Variants in AIM2 observed in about 807,000 individuals in gnomAD.
AIM2 encodes absent in melanoma 2.
In AIM2, 30 loss-of-function variants were observed where a neutral mutation model predicts 27.7. The ratio of observed to expected loss-of-function variants is 1.08; its 90% CI spans 0.81 to 1.47. The LOEUF is 1.47. Ranked by LOEUF, AIM2 falls within the 40% of genes most tolerant of loss-of-function variation. AIM2 has a pLI of 0.00. For missense variants in AIM2, 358 were observed against 411.3 expected (o/e 0.87, Z 1.12); for synonymous variants, 141 against 145.3 (o/e 0.97, Z 0.21).
chr1:159,096,470 A>T (rs1407639924), intron 1 of AIM2, among the ~76,000 whole-genome samples: 2 of 152,176 alleles, frequency 1.3e-5, no homozygotes, highest in African/African-American at 4.8e-5. Context: ...ATAATAATAT[A>T]GTATTTAATA....
intron 1 of AIM2, among the ~76,000 whole-genome samples, chr1:159,133,700 T>A (rs1647953317): frequency 6.6e-6 from 1 of 152,212 alleles, no homozygotes; most frequent in African/African-American, 2.4e-5. Context: ...CTTATATACT[T>A]CTTTCCCTGG....
At chr1:159,108,521 T>C (rs1657501695) in intron 1 of AIM2, among the ~76,000 whole-genome samples, 1 of 152,126 alleles carries the variant, frequency 6.6e-6, no homozygotes, top group Non-Finnish European at 1.5e-5. Flanking sequence ...CTCTTCAACA[T>C]AGTACTGGAA....
intron 1 of AIM2, among the ~76,000 whole-genome samples, chr1:159,115,787 C>T (rs1647325307): frequency 6.6e-6 from 1 of 152,126 alleles, no homozygotes; most frequent in African/African-American, 2.4e-5. Context: ...GATTTCATGT[C>T]TAAAACACCA....
chr1:159,068,426 G>T, intron 3 of AIM2, 142 bp downstream of exon 3: 1 of 1,139,262 alleles, frequency 8.8e-7, no homozygotes, highest in Non-Finnish European at 1.2e-6. Context: ...TCCTGTTTTT[G>T]TGACTCAGAA....
At chr1:159,122,338 T>C (rs1285042016) in intron 1 of AIM2, 1 of 152,190 alleles carries the variant, frequency 6.6e-6, no homozygotes, top group African/African-American at 2.4e-5. Context: ...TCTTCAAGAT[T>C]TGTTTGCCAA....
chr1:159,128,557 T>C (rs1402491998), intron 1 of AIM2, among the ~76,000 whole-genome samples: 1 of 152,148 alleles, frequency 6.6e-6, no homozygotes, highest in Non-Finnish European at 1.5e-5. Flanking sequence ...TCTATCCGAC[T>C]TCTTCACCTC....
chr1:159,081,535 G>A (rs942155049), upstream of AIM2: 1 of 518,700 alleles, frequency 1.9e-6, no homozygotes, highest in Non-Finnish European at 3.9e-6. Flanking sequence ...TGCTGCAGAA[G>A]TCAAAATCCA....
intron 1 of AIM2, among the ~76,000 whole-genome samples, chr1:159,086,929 T>C (rs997922210): frequency 6.6e-6 from 1 of 152,206 alleles, no homozygotes; most frequent in Non-Finnish European, 1.5e-5. Context: ...TTGTCTGCCT[T>C]TTTCAGTGAA....
chr1:159,077,037 T>C (rs1179179355), upstream of AIM2: 4 of 152,222 alleles, frequency 2.6e-5, no homozygotes, highest in East Asian at 7.7e-4. Context: ...ATGACATTTT[T>C]CTGGTATAAA....
intron 1 of AIM2, among the ~76,000 whole-genome samples, chr1:159,113,090 A>T (rs1657616456): frequency 6.6e-6 from 1 of 151,968 alleles, no homozygotes; most frequent in South Asian, 2.1e-4. Context: ...GACTACAGGC[A>T]TCCGCCACCA....
intron 2 of AIM2, among the ~76,000 whole-genome samples, chr1:159,070,326 G>A (rs1209807230): frequency 1.3e-5 from 2 of 152,270 alleles, no homozygotes; most frequent in East Asian, 3.9e-4. Context: ...CAATTCAATG[G>A]ATATTTACTG....
upstream of AIM2, among the ~76,000 whole-genome samples, chr1:159,145,303 G>T (rs1417642707): frequency 6.6e-6 from 1 of 152,072 alleles, no homozygotes; most frequent in East Asian, 1.9e-4. Flanking sequence ...TCTTCAGGAG[G>T]TCTTGCCCCA....
downstream of AIM2, among the ~76,000 whole-genome samples, chr1:159,058,686 C>T (rs564503275): frequency 3.3e-5 from 5 of 152,238 alleles, no homozygotes; most frequent in African/African-American, 9.6e-5. Context: ...ACTCACCCAC[C>T]GATTCTCGAG....
At chr1:159,117,009 TA>T (rs907085062) in intron 1 of AIM2, among the ~76,000 whole-genome samples, 3 of 152,198 alleles carry the variant, frequency 2.0e-5, no homozygotes, top group Admixed American at 1.3e-4. Flanking sequence ...ACTATCAAGT[TA>T]TTTTTTGTGT....
chr1:159,074,631 A>G (rs1656515951), intron 1 of AIM2, among the ~76,000 whole-genome samples: 1 of 152,184 alleles, frequency 6.6e-6, no homozygotes, highest in African/African-American at 2.4e-5. Flanking sequence ...ATAATTCAAC[A>G]GTTTATAACT....
rs1279287251 is a variant in AIM2 at position 159,062,488 on chromosome 1, T to C, written c.*204A>G. 3 of 592,042 alleles carry C rather than the reference T, an allele frequency of 5.1e-6. No individual in the cohort carries two copies. The African/African-American group carries it at 5.6e-5, about 11-fold the overall frequency. 36.7% of individuals were successfully genotyped at this position (592,042 alleles called of 1,614,324 possible). On this transcript the variant is annotated 3_prime_UTR_variant, in exon 6 of 6. Transcript: ENST00000368130. Reference sequence around the variant, plus strand: ...AAGGAGATAGTGGGACTGTAATGAATGAGAAACAGATGTTTATTGTGATCA... The same window carrying C: ...AAGGAGATAGTGGGACTGTAATGAACGAGAAACAGATGTTTATTGTGATCA...
At chr1:159,078,313 C>T (rs896063293), upstream of AIM2, among the ~76,000 whole-genome samples, 1 of 152,200 alleles carries the variant, frequency 6.6e-6, no homozygotes, top group Non-Finnish European at 1.5e-5. Context: ...ATCCACTTCA[C>T]CTGACACAGT....
intron 1 of AIM2, among the ~76,000 whole-genome samples, chr1:159,090,164 C>T (rs1179948622): frequency 6.6e-6 from 1 of 152,224 alleles, no homozygotes; most frequent in Non-Finnish European, 1.5e-5. Flanking sequence ...TCTCCCTCCG[C>T]CCAACCCAGT....
In AIM2 at chr1:159,135,767, C is replaced by T. The variant is rs535188384; in HGVS notation, c.-16+4664G>A. Among the ~76,000 whole-genome samples, 8 of 152,268 alleles carry T rather than the reference C, an allele frequency of 5.3e-5. No individual in the cohort carries two copies. The South Asian group carries it at 1.7e-3, about 32-fold the overall frequency. On this transcript the variant is annotated intron_variant, in intron 1 of 2. Coordinates refer to the AIM2 transcript ENST00000368129. ...GTTATCAGCAATTGTTAGTGATTGC[C>T]AGAAGATGCTCCCTTCAGATTCAGG... is the stretch of plus-strand genomic sequence containing the variant.
Sources: allele counts gnomAD v4.1 joint callset (sites outside exome capture counted in the v4.1 genomes callset), GRCh38; gene constraint gnomAD v4.1.1; transcripts MANE v1.5; gene names NCBI Gene and HGNC (gene_info 2026-07-23, HGNC 2026-07-21).